Variants in SGK3 observed in about 807,000 individuals in gnomAD.
SGK3 encodes serine/threonine-protein kinase Sgk3.
SGK3 carries 47 observed loss-of-function variants against 68.5 expected under a neutral mutation model. That is an observed-to-expected ratio of 0.69 (90% CI 0.54 to 0.87). The LOEUF is 0.87. Ranked by LOEUF, SGK3 falls within the 40% of genes least tolerant of loss-of-function variation. The pLI is 0.00. For synonymous variants in SGK3, 181 were observed against 189.1 expected (o/e 0.96, Z 0.35); for missense variants, 479 against 575.5 (o/e 0.83, Z 1.72).
intron 5 of SGK3, among the ~76,000 whole-genome samples, chr8:66,814,923 G>C (rs1808518424): frequency 6.6e-6 from 1 of 152,186 alleles, no homozygotes; most frequent in Non-Finnish European, 1.5e-5. Context: ...TATAGTACTT[G>C]TATGTATAAA....
chr8:66,759,370 G>A (rs936088690), intron 1 of SGK3, among the ~76,000 whole-genome samples: 27 of 151,446 alleles, frequency 1.8e-4, no homozygotes, highest in African/African-American at 4.9e-4. Context: ...CAGGCCAGGC[G>A]TGAGCCACTG....
At chr8:66,737,871 C>T (rs1296139331) in intron 1 of SGK3, among the ~76,000 whole-genome samples, 3 of 152,086 alleles carry the variant, frequency 2.0e-5, no homozygotes, top group African/African-American at 4.8e-5. Flanking sequence ...CCACCTTGGC[C>T]TCCCAAAGTG....
At chr8:66,768,462 A>G (rs907893862) in intron 1 of SGK3, among the ~76,000 whole-genome samples, 2 of 151,322 alleles carry the variant, frequency 1.3e-5, no homozygotes, top group African/African-American at 4.8e-5. Context: ...ATAGCTTTAC[A>G]TATCTTTGAT....
At chr8:66,753,440 T>C (rs1273760974) in intron 1 of SGK3, among the ~76,000 whole-genome samples, 1 of 152,204 alleles carries the variant, frequency 6.6e-6, no homozygotes, top group Non-Finnish European at 1.5e-5. Context: ...GGCAAATGCA[T>C]AGGAGAGGAC....
chr8:66,756,772 G>A (rs1174763550), intron 1 of SGK3, among the ~76,000 whole-genome samples: 2 of 151,804 alleles, frequency 1.3e-5, no homozygotes, highest in African/African-American at 2.4e-5. Flanking sequence ...TAGTAGAGAC[G>A]GGGTTTGGCA....
chr8:66,760,736 G>A (rs1423048497), intron 1 of SGK3, among the ~76,000 whole-genome samples: 3 of 152,128 alleles, frequency 2.0e-5, no homozygotes, highest in Non-Finnish European at 2.9e-5. Flanking sequence ...CTATGAAAAA[G>A]CAGCTAGTTT....
intron 1 of SGK3, among the ~76,000 whole-genome samples, chr8:66,720,820 C>A (rs1173280426): frequency 6.7e-6 from 1 of 150,196 alleles, no homozygotes; most frequent in Non-Finnish European, 1.5e-5. Context: ...GTGGCACACA[C>A]CTGTGGCCCC....
intron 13 of SGK3, among the ~76,000 whole-genome samples, chr8:66,842,501 A>G (rs1295672709): frequency 6.6e-6 from 1 of 152,146 alleles, no homozygotes; most frequent in Admixed American, 6.5e-5. Flanking sequence ...ATTTCTTTAG[A>G]TCACATAAAA....
At chr8:66,817,321 C>T (rs1808631790) in intron 5 of SGK3, among the ~76,000 whole-genome samples, 2 of 151,832 alleles carry the variant, frequency 1.3e-5, no homozygotes, top group East Asian at 4.0e-4. Flanking sequence ...GTCCCAGCTA[C>T]TTGGGAGGCT....
At chr8:66,754,603 T>C (rs1805918553) in intron 1 of SGK3, among the ~76,000 whole-genome samples, 1 of 152,264 alleles carries the variant, frequency 6.6e-6, no homozygotes, top group Non-Finnish European at 1.5e-5. Flanking sequence ...TTCCCATTTA[T>C]GTTTCATATA....
chr8:66,836,290 T>C (rs997289934), intron 10 of SGK3, among the ~76,000 whole-genome samples: 4 of 152,224 alleles, frequency 2.6e-5, no homozygotes. Flanking sequence ...AACCTTGATA[T>C]GAAGCTGCTG....
Position 66,803,210 on chromosome 8 carries a change from G to A in SGK3, c.181-1165G>A, listed in dbSNP as rs140887971. On this transcript the variant is annotated intron_variant, in intron 3 of 16. Coordinates refer to ENST00000521198, the MANE Select transcript of SGK3 (RefSeq NM_001033578.3). ...AAAAACAACAAGGTCATTTGTTTAC[G>A]TATTTTTCAGTCTGCATTTTACTGA... Among the ~76,000 whole-genome samples, 843 of 152,160 alleles carry A rather than the reference G, an allele frequency of 5.5e-3. 4 individuals carry two copies. Among genetic ancestry groups the A allele is most frequent in the Non-Finnish European group, 9.3e-3 (634 of 68,000 alleles).
At chr8:66,723,087 G>GTT (rs1563594976) in intron 1 of SGK3, among the ~76,000 whole-genome samples, 1 of 29,454 alleles carries the variant, frequency 3.4e-5, no homozygotes, top group African/African-American at 1.4e-4. Context: ...GTAAGATTTT[G>GTT]TTCATATATA....
intron 1 of SGK3, among the ~76,000 whole-genome samples, chr8:66,766,056 T>G (rs1806307069): frequency 6.6e-6 from 1 of 151,938 alleles, no homozygotes; most frequent in Admixed American, 6.6e-5. Context: ...TTTCCAAATG[T>G]CTTGCTGTTA....
intron 1 of SGK3, among the ~76,000 whole-genome samples, chr8:66,754,285 A>G (rs1300691605): frequency 6.6e-6 from 1 of 152,190 alleles, no homozygotes; most frequent in Admixed American, 6.5e-5. Context: ...AATTTCCTGC[A>G]TTTGCAAATG....
At chr8:66,778,326 C>A (rs543254080) in intron 1 of SGK3, among the ~76,000 whole-genome samples, 1 of 152,194 alleles carries the variant, frequency 6.6e-6, no homozygotes, top group Non-Finnish European at 1.5e-5. Context: ...TGGAGTCTCG[C>A]TTTGTTGCCC....
intron 1 of SGK3, among the ~76,000 whole-genome samples, chr8:66,731,825 C>A (rs1438160770): frequency 6.6e-6 from 1 of 152,170 alleles, no homozygotes; most frequent in African/African-American, 2.4e-5. Flanking sequence ...TGAGCCACCG[C>A]ACCCGGCCGG....
rs546791595 is a variant in SGK3 at position 66,836,651 on chromosome 8, G to T, written c.741+577G>T. Among the ~76,000 whole-genome samples, 980 of 150,856 alleles carry T rather than the reference G, an allele frequency of 6.5e-3. 9 individuals are homozygous for T. Among genetic ancestry groups the T allele is most frequent in the African/African-American group, 0.023 (938 of 41,106 alleles). ...CCATCTCTTTAAAAAAAAAAAAAAG[G>T]CTTTATGATAAAGTCTGTTTTGGAA... On this transcript the variant is annotated intron_variant, in intron 10 of 16. Transcript: ENST00000521198.
At chr8:66,858,479 A>G (rs1286282416) in intron 16 of SGK3, among the ~76,000 whole-genome samples, 1 of 152,008 alleles carries the variant, frequency 6.6e-6, no homozygotes, top group Non-Finnish European at 1.5e-5. Context: ...AAAAAAAAAA[A>G]AATACAAAAT....
Sources: allele counts gnomAD v4.1 joint callset (sites outside exome capture counted in the v4.1 genomes callset), GRCh38; gene constraint gnomAD v4.1.1; transcripts MANE v1.5; gene names NCBI Gene and HGNC (gene_info 2026-07-23, HGNC 2026-07-21).